The following PTPRN2 variants were observed in gnomAD, a reference collection of about 807,000 sequenced individuals.
The protein encoded by PTPRN2 is receptor-type tyrosine-protein phosphatase N2.
Under a neutral mutation model 118.8 loss-of-function variants are expected in PTPRN2, and 74 were observed. The ratio of observed to expected loss-of-function variants is 0.62; its 90% confidence interval spans 0.52 to 0.76. PTPRN2 has a LOEUF of 0.76. Ranked by LOEUF, PTPRN2 falls within the 30% of genes least tolerant of loss-of-function variation. PTPRN2 has a pLI of 0.00. For synonymous variants in PTPRN2, 641 were observed against 608.0 expected, an observed-to-expected ratio of 1.05 and a Z score of -0.80; for missense variants, 1,481 against 1,394.4, an observed-to-expected ratio of 1.06 and a Z score of -0.99.
Position 158,205,193 on chromosome 7 carries a change from G to T in PTPRN2, c.358C>A (p.Pro120Thr). The part of the protein sequence containing the change: ...ADLPKTYLRR[P>T]EASSPARPSK... ...TACCTGGCTGGGCTGGATGCTTCAG[G>T]ACGCCTCAGGTAGGTTTTCGGGAGG... Residue 120 changes from proline (P) to threonine (T), a missense_variant, in exon 4 of 23, where the codon CCT (proline) becomes ACT (threonine). By Grantham distance (38) the Pro-to-Thr change is conservative (BLOSUM62 -1). Transcript: ENST00000389418. 2 of 1,614,116 alleles carry T rather than the reference G, an allele frequency of 1.2e-6. No homozygotes were observed. Among genetic ancestry groups the T allele is most frequent in the Non-Finnish European group, 1.7e-6 (2 of 1,179,974 alleles).
chr7:157,833,537 A>T (rs970037441), intron 12 of PTPRN2, among the ~76,000 whole-genome samples: 1 of 148,994 alleles, frequency 6.7e-6, no homozygotes, highest in African/African-American at 2.5e-5. Flanking sequence ...ATGACGGTGA[A>T]TTTGTCCAGG....
intron 1 of PTPRN2, among the ~76,000 whole-genome samples, chr7:158,530,235 G>T (rs1003682969): frequency 6.6e-6 from 1 of 152,202 alleles, no homozygotes; most frequent in Non-Finnish European, 1.5e-5. Flanking sequence ...GCAATAAAAA[G>T]CAATGGAAAG....
intron 2 of PTPRN2, among the ~76,000 whole-genome samples, chr7:158,365,958 A>T (rs1467798070): frequency 6.8e-6 from 1 of 146,850 alleles, no homozygotes; most frequent in Non-Finnish European, 1.5e-5. Flanking sequence ...ACACATGCAC[A>T]TGCACACATG....
chr7:157,765,072 T>G (rs1198393923), intron 12 of PTPRN2, among the ~76,000 whole-genome samples: 1 of 145,968 alleles, frequency 6.9e-6, no homozygotes, highest in Non-Finnish European at 1.5e-5. Flanking sequence ...CCATCATCCA[T>G]GCATCCATAC....
chr7:158,395,342 AGGGGCC>A, intron 2 of PTPRN2, among the ~76,000 whole-genome samples: 1 of 7,434 alleles, frequency 1.3e-4, no homozygotes, highest in Non-Finnish European at 2.5e-4. Context: ...GCGAGGCGCG[AGGGGCC>A]AGGGGCCAGG....
chr7:157,658,933 G>A (rs1401543763), intron 13 of PTPRN2, among the ~76,000 whole-genome samples: 1 of 152,034 alleles, frequency 6.6e-6, no homozygotes, highest in African/African-American at 2.4e-5. Flanking sequence ...AGCCGTGTGC[G>A]TCAAAGGCCT....
chr7:158,033,662 C>T (rs1807858232), intron 11 of PTPRN2, among the ~76,000 whole-genome samples: 1 of 152,230 alleles, frequency 6.6e-6, no homozygotes, highest in Admixed American at 6.5e-5. Flanking sequence ...TTGATAGAAG[C>T]TCTGCATGCT....
intron 1 of PTPRN2, among the ~76,000 whole-genome samples, chr7:158,531,330 T>G (rs1825216650): frequency 6.6e-6 from 1 of 152,024 alleles, no homozygotes; most frequent in Non-Finnish European, 1.5e-5. Flanking sequence ...CACATCTCCC[T>G]CTCCAGAGTC....
At chr7:157,917,542 A>C (rs1798479643) in intron 11 of PTPRN2, among the ~76,000 whole-genome samples, 1 of 152,212 alleles carries the variant, frequency 6.6e-6, no homozygotes, top group Admixed American at 6.5e-5. Context: ...GGGAAAAGCT[A>C]ATGTCAGCTC....
intron 2 of PTPRN2, among the ~76,000 whole-genome samples, chr7:158,419,408 T>TTGCAAGAATTCCATCAC (rs61708506): frequency 5.9e-5 from 9 of 151,440 alleles, no homozygotes; most frequent in African/African-American, 1.7e-4. Context: ...AATTCCATCA[T>TTGCAAGAATTCCATCAC]TGCAAGAATT....
intron 2 of PTPRN2, among the ~76,000 whole-genome samples, chr7:158,471,516 T>C (rs1015647749): frequency 3.3e-5 from 5 of 152,008 alleles, no homozygotes; most frequent in African/African-American, 1.2e-4. Context: ...GGTGAAACCC[T>C]GTCTCTACTA....
intron 12 of PTPRN2, among the ~76,000 whole-genome samples, chr7:157,829,773 G>GC (rs1807430493): frequency 6.6e-6 from 1 of 152,208 alleles, no homozygotes; most frequent in African/African-American, 2.4e-5. Context: ...TCCAGGAAAA[G>GC]CCCTGGCCCG....
chr7:158,302,850 C>T (rs1380849398), intron 3 of PTPRN2, among the ~76,000 whole-genome samples: 7 of 152,166 alleles, frequency 4.6e-5, no homozygotes, highest in Non-Finnish European at 1.0e-4. Flanking sequence ...CTCACGTGTA[C>T]TCTTTTATGA....
chr7:158,362,224 A>G (rs6966721), intron 2 of PTPRN2, among the ~76,000 whole-genome samples: 146,740 of 152,284 alleles, frequency 0.96, 70,757 homozygotes, highest in African/African-American at 0.99. Context: ...AGGAGGAGGC[A>G]GAAGAGGCCG....
intron 11 of PTPRN2, among the ~76,000 whole-genome samples, chr7:157,982,290 G>A (rs1296351600): frequency 4.1e-5 from 2 of 49,302 alleles, no homozygotes; most frequent in South Asian, 8.1e-4. Flanking sequence ...AATGCAGAGT[G>A]CAGGGTCCCC....
At chr7:158,411,474 C>G (rs746557794) in intron 2 of PTPRN2, among the ~76,000 whole-genome samples, 1 of 152,164 alleles carries the variant, frequency 6.6e-6, no homozygotes, top group Non-Finnish European at 1.5e-5. Context: ...CTCTGGTCCC[C>G]CCAGCACTCA....
At chr7:157,848,518 G>A (rs1379480213) in intron 12 of PTPRN2, among the ~76,000 whole-genome samples, 3 of 152,212 alleles carry the variant, frequency 2.0e-5, no homozygotes, top group Admixed American at 6.5e-5. Context: ...ATGTGTGCCC[G>A]ATATTTACGG....
chr7:157,681,760 T>A (rs1171445965), intron 13 of PTPRN2, among the ~76,000 whole-genome samples: 13 of 152,180 alleles, frequency 8.5e-5, no homozygotes, highest in Non-Finnish European at 2.9e-5. Context: ...GTAACTCTGA[T>A]GATGGAATAA....
At chr7:157,898,629 G>C in intron 12 of PTPRN2, 44 bp downstream of exon 12, 2 of 1,516,996 alleles carry the variant, frequency 1.3e-6, no homozygotes, top group Non-Finnish European at 1.8e-6. Flanking sequence ...CACCCAGACA[G>C]CACTGCAGAT....
Sources: gnomAD v4.1 joint callset for allele counts (sites outside exome capture counted in the v4.1 genomes callset) on GRCh38, gnomAD v4.1.1 for gene constraint, MANE v1.5 for transcripts, NCBI Gene and HGNC (gene_info 2026-07-23, HGNC 2026-07-21) for gene names.